The following PRKN variants were observed in gnomAD, a reference collection of about 807,000 sequenced individuals.
PRKN encodes the protein parkin RBR E3 ubiquitin protein ligase.
In PRKN, 56 loss-of-function variants were observed where a neutral mutation model predicts 59.5. The ratio of observed to expected loss-of-function variants is 0.94; its 90% CI spans 0.76 to 1.18. The LOEUF (loss-of-function observed/expected upper bound fraction) is 1.18, where lower values mean the gene tolerates loss of function less well. Among genes scored for constraint, PRKN ranks in the 50% most tolerant of loss-of-function variants. The pLI, the probability that PRKN is intolerant of heterozygous loss-of-function variation, is 0.00. For missense variants in PRKN, 657 were observed against 596.4 expected (o/e 1.10, Z -1.06); for synonymous variants, 250 against 222.1 (o/e 1.13, Z -1.12).
At chr6:161,905,059 C>G (rs993837810) in intron 6 of PRKN, among the ~76,000 whole-genome samples, 1 of 152,176 alleles carries the variant, frequency 6.6e-6, no homozygotes, top group Admixed American at 6.5e-5. Flanking sequence ...TGAATATCCA[C>G]CACGTAAAAT....
chr6:161,896,088 G>A (rs557941853), intron 6 of PRKN, among the ~76,000 whole-genome samples: 2 of 152,290 alleles, frequency 1.3e-5, no homozygotes, highest in East Asian at 1.9e-4. Flanking sequence ...CAGGTGTGAC[G>A]GGTGATGAAT....
intron 2 of PRKN, among the ~76,000 whole-genome samples, chr6:162,318,732 T>C (rs1355373866): frequency 6.6e-6 from 1 of 151,978 alleles, no homozygotes; most frequent in Non-Finnish European, 1.5e-5. Context: ...ATTGGCGTGA[T>C]TATGAAGATT....
At chr6:162,612,661 A>G (rs1782245631) in intron 1 of PRKN, among the ~76,000 whole-genome samples, 1 of 152,074 alleles carries the variant, frequency 6.6e-6, no homozygotes, top group Non-Finnish European at 1.5e-5. Context: ...CTTAAACTGA[A>G]GCATACACAT....
At chr6:161,392,771 T>TAA (rs5881403) in intron 9 of PRKN, among the ~76,000 whole-genome samples, 12,868 of 148,896 alleles carry the variant, frequency 0.086, 639 homozygotes, top group South Asian at 0.24. Context: ...AGGTATAGAA[T>TAA]AAAAAAAAAA....
At chr6:162,637,534 C>T (rs950800925) in intron 1 of PRKN, among the ~76,000 whole-genome samples, 1 of 152,086 alleles carries the variant, frequency 6.6e-6, no homozygotes, top group Non-Finnish European at 1.5e-5. Context: ...AAGCAGGGCT[C>T]GACTTTGACC....
intron 2 of PRKN, among the ~76,000 whole-genome samples, chr6:162,410,498 C>T (rs577372543): frequency 3.3e-5 from 5 of 152,142 alleles, no homozygotes; most frequent in Non-Finnish European, 7.3e-5. Flanking sequence ...CAATTTCGCT[C>T]GACTGAAAGC....
intron 3 of PRKN, among the ~76,000 whole-genome samples, chr6:162,259,286 T>C (rs1779785278): frequency 6.6e-6 from 1 of 152,202 alleles, no homozygotes; most frequent in Non-Finnish European, 1.5e-5. Flanking sequence ...CAGCGTCCGA[T>C]TGTTCCGTGA....
chr6:161,915,309 T>C (rs1778513808), intron 6 of PRKN, among the ~76,000 whole-genome samples: 1 of 152,112 alleles, frequency 6.6e-6, no homozygotes, highest in African/African-American at 2.4e-5. Context: ...TAAGATGTTC[T>C]TTTCAAGTTT....
intron 6 of PRKN, among the ~76,000 whole-genome samples, chr6:161,951,016 T>A (rs1396290167): frequency 6.9e-6 from 1 of 144,800 alleles, no homozygotes; most frequent in South Asian, 2.1e-4. Flanking sequence ...TAAATTATAA[T>A]TTTTTTTTAC....
At chr6:162,648,385 T>TTC (rs1778280994) in intron 1 of PRKN, among the ~76,000 whole-genome samples, 1 of 6,414 alleles carries the variant, frequency 1.6e-4, no homozygotes, top group East Asian at 0.05. Context: ...GTGTTCTTTC[T>TTC]TTTTTTATTT....
intron 1 of PRKN, chr6:162,643,897 T>A (rs1051789786): frequency 2.0e-5 from 3 of 152,210 alleles, no homozygotes; most frequent in African/African-American, 7.2e-5. Flanking sequence ...TGGACTTCCA[T>A]AATTTTTCAA....
At chr6:162,261,022 G>GA (rs769962432) in intron 3 of PRKN, among the ~76,000 whole-genome samples, 23 of 152,066 alleles carry the variant, frequency 1.5e-4, no homozygotes, top group Non-Finnish European at 2.5e-4. Flanking sequence ...GAGACACCCA[G>GA]AAAAAATGCA....
chr6:162,570,513 C>T (rs916939918), intron 1 of PRKN, among the ~76,000 whole-genome samples: 7 of 152,330 alleles, frequency 4.6e-5, no homozygotes, highest in East Asian at 1.9e-4. Context: ...TATATCTGCA[C>T]TCCTATGTTT....
At chr6:161,514,131 G>A (rs1173398663) in intron 9 of PRKN, among the ~76,000 whole-genome samples, 1 of 151,660 alleles carries the variant, frequency 6.6e-6, no homozygotes, top group Non-Finnish European at 1.5e-5. Context: ...ATAAACAATA[G>A]ATTTAAAGAA....
rs186938964 is a variant in PRKN at position 161,353,989 on chromosome 6, A to C, written c.1286-3778T>G. On this transcript the variant is annotated intron_variant, in intron 11 of 11. Coordinates refer to ENST00000366898, the MANE Select transcript of PRKN (RefSeq NM_004562.3). This position sits in a 1 kb window ranked among gnomAD's most constrained non-coding sequence, Gnocchi z 4.8. ...TATTGAATGAGAGAATAGAAGAAGC[A>C]TGTTGTTTGTTCTACACTTAGACCG... is the stretch of plus-strand genomic sequence containing the variant. Among the ~76,000 whole-genome samples, 1 of 152,332 alleles carries C rather than the reference A, an allele frequency of 6.6e-6. No homozygotes were observed. Among genetic ancestry groups the C allele is most frequent in the Admixed American group, 6.5e-5 (1 of 15,304 alleles).
chr6:162,561,181 C>T (rs1327689537), intron 1 of PRKN, among the ~76,000 whole-genome samples: 2 of 152,054 alleles, frequency 1.3e-5, no homozygotes, highest in Non-Finnish European at 2.9e-5. Context: ...CTCCAGGTTG[C>T]GGAGAGCCTT....
intron 1 of PRKN, among the ~76,000 whole-genome samples, chr6:162,631,926 A>T (rs978254121): frequency 2.6e-5 from 4 of 151,974 alleles, no homozygotes; most frequent in African/African-American, 9.7e-5. Context: ...AGATAAATGC[A>T]AATCAAAACC....
chr6:162,462,668 T>C (rs181967002), intron 1 of PRKN, among the ~76,000 whole-genome samples: 1 of 152,288 alleles, frequency 6.6e-6, no homozygotes, highest in East Asian at 1.9e-4. Context: ...TATCCTTCAA[T>C]AGACGGCTGC....
chr6:162,468,745 T>C (rs1419806941), intron 1 of PRKN, among the ~76,000 whole-genome samples: 1 of 152,178 alleles, frequency 6.6e-6, no homozygotes, highest in Non-Finnish European at 1.5e-5. Context: ...AATAATTAAG[T>C]GTGGTCTCTT....
Sources: allele counts gnomAD v4.1 joint callset (sites outside exome capture counted in the v4.1 genomes callset), GRCh38; gene constraint gnomAD v4.1.1; non-coding constraint Gnocchi (gnomAD v3.1); transcripts MANE v1.5; gene names NCBI Gene and HGNC (gene_info 2026-07-23, HGNC 2026-07-21).